The following TBC1D5 variants were observed in gnomAD, a reference collection of about 807,000 sequenced individuals.
The protein encoded by TBC1D5 is TBC1 domain family, member 5.
A neutral mutation model predicts 100.3 loss-of-function variants in TBC1D5; 75 were observed. The observed-to-expected ratio is 0.75, with a 90% confidence interval of 0.62 to 0.91. The LOEUF is 0.91. Ranked by LOEUF, TBC1D5 falls within the 40% of genes least tolerant of loss-of-function variation. TBC1D5 has a pLI of 0.00. For synonymous variants in TBC1D5, 323 were observed against 325.6 expected (o/e 0.99, Z 0.09); for missense variants, 910 against 942.4 (o/e 0.97, Z 0.45).
At chr3:17,298,860 CAG>C (rs531209459) in intron 14 of TBC1D5, among the ~76,000 whole-genome samples, 17 of 152,188 alleles carry the variant, frequency 1.1e-4, no homozygotes, top group African/African-American at 2.2e-4. Context: ...TAGAGGGAGA[CAG>C]GGGATGAATA....
At chr3:17,617,211 C>G (rs976811110) in intron 2 of TBC1D5, among the ~76,000 whole-genome samples, 3 of 152,148 alleles carry the variant, frequency 2.0e-5, no homozygotes, top group Admixed American at 2.0e-4. Context: ...AATATTGGCT[C>G]CCACTCTCTT....
intron 1 of TBC1D5, among the ~76,000 whole-genome samples, chr3:17,669,461 GTTA>G (rs947540198): frequency 2.6e-5 from 4 of 152,228 alleles, no homozygotes; most frequent in Admixed American, 2.0e-4. Context: ...ATAAATGATA[GTTA>G]TTATTATACT....
At chr3:17,259,712 C>CGGG (rs35911600) in intron 15 of TBC1D5, among the ~76,000 whole-genome samples, 15 of 114,724 alleles carry the variant, frequency 1.3e-4, no homozygotes, top group African/African-American at 4.8e-4. Context: ...CATGCAGGCA[C>CGGG]GGGGGGGGTT....
intron 3 of TBC1D5, among the ~76,000 whole-genome samples, chr3:17,483,796 T>C (rs564536195): frequency 1.3e-5 from 2 of 152,292 alleles, no homozygotes; most frequent in South Asian, 2.1e-4. Context: ...ACACAATTAA[T>C]TAAATGTACA....
At chr3:17,454,696 G>C (rs571825310) in intron 3 of TBC1D5, among the ~76,000 whole-genome samples, 2 of 152,140 alleles carry the variant, frequency 1.3e-5, no homozygotes, top group Admixed American at 1.3e-4. Flanking sequence ...TCCTGACCTC[G>C]TGATCCGCCT....
intron 1 of TBC1D5, among the ~76,000 whole-genome samples, chr3:17,722,407 T>C (rs34487714): frequency 0.6 from 91,293 of 151,992 alleles, 28,093 homozygotes; most frequent in East Asian, 0.99. Flanking sequence ...CTTATGTACA[T>C]AGCCTTAAGG....
chr3:17,665,882 T>C (rs2067204658), intron 1 of TBC1D5, among the ~76,000 whole-genome samples: 1 of 152,198 alleles, frequency 6.6e-6, no homozygotes, highest in Non-Finnish European at 1.5e-5. Flanking sequence ...GGACACATTT[T>C]ATTTTAATAT....
chr3:17,727,483 A>G (rs1430233828), intron 1 of TBC1D5, among the ~76,000 whole-genome samples: 1 of 152,258 alleles, frequency 6.6e-6, no homozygotes, highest in Admixed American at 6.5e-5. Flanking sequence ...TGTTTCTGCC[A>G]AGAAACAGAG....
chr3:17,194,728 A>G (rs1263539688), intron 18 of TBC1D5, among the ~76,000 whole-genome samples: 2 of 152,260 alleles, frequency 1.3e-5, no homozygotes, highest in Non-Finnish European at 2.9e-5. Flanking sequence ...TGAAAAAATC[A>G]TAAGTAATAT....
intron 3 of TBC1D5, among the ~76,000 whole-genome samples, chr3:17,500,375 A>C (rs1485143086): frequency 6.7e-6 from 1 of 149,630 alleles, no homozygotes; most frequent in Non-Finnish European, 1.5e-5. Flanking sequence ...AAATACAAAA[A>C]ACAATCACCT....
chr3:17,378,720 C>A (rs1433452884), intron 9 of TBC1D5, among the ~76,000 whole-genome samples: 1 of 150,458 alleles, frequency 6.6e-6, no homozygotes, highest in Non-Finnish European at 1.5e-5. Context: ...TGCTTTCATG[C>A]CTATAAAGAC....
chr3:17,291,369 T>C (rs188241810), intron 15 of TBC1D5, among the ~76,000 whole-genome samples: 3 of 152,384 alleles, frequency 2.0e-5, no homozygotes, highest in African/African-American at 7.2e-5. Flanking sequence ...AAATCAGTGT[T>C]AAAGTCTGTT....
chr3:17,167,694 GC>G, intron 20 of TBC1D5, 54 bp downstream of exon 21: 4 of 1,521,632 alleles, frequency 2.6e-6, no homozygotes, highest in Non-Finnish European at 2.7e-6. Flanking sequence ...GCCCTGGGGG[GC>G]CCTCCCCGCG....
At chr3:17,302,334 A>G (rs550941439) in intron 14 of TBC1D5, among the ~76,000 whole-genome samples, 9 of 152,178 alleles carry the variant, frequency 5.9e-5, no homozygotes, top group African/African-American at 1.9e-4. Context: ...TCTCTTGCCA[A>G]ATTTCCTTCT....
At chr3:17,533,415 A>T (rs1454950120) in intron 2 of TBC1D5, among the ~76,000 whole-genome samples, 2 of 152,214 alleles carry the variant, frequency 1.3e-5, no homozygotes, top group Non-Finnish European at 2.9e-5. Flanking sequence ...TGTATGGCAT[A>T]TCAAATCCTA....
chr3:17,263,420 A>G (rs1451314822), intron 15 of TBC1D5, among the ~76,000 whole-genome samples: 1 of 152,018 alleles, frequency 6.6e-6, no homozygotes, highest in Non-Finnish European at 1.5e-5. Context: ...GAAAGAAAAA[A>G]GAAAAGTACA....
intron 18 of TBC1D5, among the ~76,000 whole-genome samples, chr3:17,203,399 G>A (rs1185641244): frequency 6.6e-6 from 1 of 152,186 alleles, no homozygotes; most frequent in African/African-American, 2.4e-5. Flanking sequence ...TTTCAGATGA[G>A]ACTCTGGACT....
At chr3:17,567,896 A>G (rs2096602951) in intron 2 of TBC1D5, among the ~76,000 whole-genome samples, 1 of 151,740 alleles carries the variant, frequency 6.6e-6, no homozygotes, top group Non-Finnish European at 1.5e-5. Flanking sequence ...CAAGTATAAA[A>G]GACCAAAAGA....
rs1462037066 is a variant in TBC1D5, at chr3:17,492,758, C to T, written c.97+15716G>A. Among the ~76,000 whole-genome samples the T allele has an allele frequency of 2.6e-5, 4 of 152,192 alleles. No homozygotes were observed. The East Asian group carries it at 7.7e-4, about 29-fold the overall frequency. ...GACATAAATTTCCATCTTAACACTGCTTCAGCTGCGTCCCAGAGATTCTGG... is the reference window on the plus strand; with the variant it reads ...GACATAAATTTCCATCTTAACACTGTTTCAGCTGCGTCCCAGAGATTCTGG... On this transcript the variant is annotated intron_variant, in intron 3 of 21. Transcript: ENST00000253692.
Sources: allele counts gnomAD v4.1 joint callset (sites outside exome capture counted in the v4.1 genomes callset), GRCh38; gene constraint gnomAD v4.1.1; transcripts MANE v1.5; gene names NCBI Gene and HGNC (gene_info 2026-07-23, HGNC 2026-07-21).